Variants in SPOCK3 observed in about 807,000 individuals in gnomAD.
SPOCK3 encodes the protein testican-3.
A neutral mutation model predicts 56.6 loss-of-function variants in SPOCK3; 30 were observed. That is an observed-to-expected ratio of 0.53 (90% CI 0.40 to 0.72). The LOEUF (loss-of-function observed/expected upper bound fraction) is 0.72. SPOCK3 is among the 30% of genes least tolerant of loss of function. SPOCK3 has a pLI of 0.00. For synonymous variants in SPOCK3, 196 were observed against 183.3 expected (o/e 1.07, Z -0.56); for missense variants, 527 against 530.0 (o/e 0.99, Z 0.06).
rs1751072799 is a variant in SPOCK3, at chr4:167,020,595, C to T, written c.236-20132G>A. Among the ~76,000 whole-genome samples, 6 of 152,136 alleles carry T rather than the reference C, an allele frequency of 3.9e-5. No individual in the cohort carries two copies. The South Asian group carries it at 1.2e-3, about 32-fold the overall frequency. On this transcript the variant is annotated intron_variant, in intron 3 of 10. Transcript: ENST00000357545. ...TCATACGTCCCTTGTGTTCTTCCACCTTCTGCCATATGGGGGCAGAGCAAG... is the reference window on the plus strand; with the variant it reads ...TCATACGTCCCTTGTGTTCTTCCACTTTCTGCCATATGGGGGCAGAGCAAG...
At chr4:167,223,914 T>A (rs971823016) in intron 2 of SPOCK3, among the ~76,000 whole-genome samples, 1 of 152,134 alleles carries the variant, frequency 6.6e-6, no homozygotes, top group Non-Finnish European at 1.5e-5. Flanking sequence ...ATTATAAAAT[T>A]TTTAGTACTT....
At chr4:166,897,707 A>C (rs528047319) in intron 5 of SPOCK3, among the ~76,000 whole-genome samples, 1 of 152,236 alleles carries the variant, frequency 6.6e-6, no homozygotes, top group South Asian at 2.1e-4. Flanking sequence ...AATGGGATAA[A>C]ATTTTCAGAC....
rs117702324 is a variant in SPOCK3, at chr4:167,218,872, T to C, written c.189+15113A>G. Among the ~76,000 whole-genome samples the C allele has an allele frequency of 4.0e-3, 602 of 152,264 alleles. 15 individuals are homozygous for C. The highest frequency in any genetic ancestry group is 0.029 in the Admixed American group (440 of 15,266). On this transcript the variant is annotated intron_variant, in intron 2 of 10. Transcript: ENST00000357545. ...TTCCAAGGATAATGTACTAAGTGTG[T>C]GGTCTATGTACGAATGCTCCTTTGC...
At chr4:166,787,353 C>A (rs1740840534) in intron 7 of SPOCK3, among the ~76,000 whole-genome samples, 1 of 152,072 alleles carries the variant, frequency 6.6e-6, no homozygotes, top group African/African-American at 2.4e-5. Context: ...TGCATGTTTG[C>A]ACATAATATC....
intron 5 of SPOCK3, among the ~76,000 whole-genome samples, chr4:166,910,567 T>C (rs1244775468): frequency 6.6e-6 from 1 of 152,124 alleles, no homozygotes; most frequent in Non-Finnish European, 1.5e-5. Flanking sequence ...GCTAAGTAAC[T>C]CTAACATCAT....
intron 8 of SPOCK3, among the ~76,000 whole-genome samples, chr4:166,750,205 C>T (rs538948448): frequency 1.3e-5 from 2 of 152,218 alleles, no homozygotes; most frequent in Non-Finnish European, 2.9e-5. Flanking sequence ...TAAGTCTAGC[C>T]TTTAGGTATT....
chr4:166,962,763 T>C (rs74503917), intron 4 of SPOCK3, among the ~76,000 whole-genome samples: 13 of 152,042 alleles, frequency 8.6e-5, no homozygotes, highest in Non-Finnish European at 1.3e-4. Flanking sequence ...AATGACTTAT[T>C]CTATTTTTAA....
intron 10 of SPOCK3, among the ~76,000 whole-genome samples, chr4:166,736,055 C>A (rs928959643): frequency 9.9e-5 from 15 of 152,104 alleles, no homozygotes; most frequent in African/African-American, 3.6e-4. Context: ...ATATTTTATT[C>A]TTATAATTAT....
At chr4:167,082,600 A>G (rs1757807736) in intron 2 of SPOCK3, among the ~76,000 whole-genome samples, 1 of 151,970 alleles carries the variant, frequency 6.6e-6, no homozygotes, top group Non-Finnish European at 1.5e-5. Flanking sequence ...ATGAAGTTGG[A>G]TGAATTTAGA....
At chr4:166,836,338 T>C (rs1746622556) in intron 6 of SPOCK3, among the ~76,000 whole-genome samples, 1 of 152,218 alleles carries the variant, frequency 6.6e-6, no homozygotes, top group Admixed American at 6.5e-5. Context: ...TTTTCAGCTT[T>C]CTAAGAATTA....
At chr4:166,976,883 T>C (rs544170483) in intron 4 of SPOCK3, among the ~76,000 whole-genome samples, 2 of 151,818 alleles carry the variant, frequency 1.3e-5, no homozygotes, top group South Asian at 2.1e-4. Flanking sequence ...ATTATATATA[T>C]ATAATCAAAT....
intron 4 of SPOCK3, among the ~76,000 whole-genome samples, chr4:166,919,366 A>T (rs1738233852): frequency 6.6e-6 from 1 of 152,180 alleles, no homozygotes; most frequent in South Asian, 2.1e-4. Context: ...AGTTATTATC[A>T]TACTTGAATA....
intron 3 of SPOCK3, among the ~76,000 whole-genome samples, chr4:167,058,913 C>G (rs369240920): frequency 3.3e-5 from 5 of 152,044 alleles, no homozygotes; most frequent in African/African-American, 4.8e-5. Context: ...GGATTCCCTA[C>G]TTAATAAATG....
chr4:167,219,460 T>C (rs943732196), intron 2 of SPOCK3, among the ~76,000 whole-genome samples: 7 of 152,180 alleles, frequency 4.6e-5, no homozygotes, highest in Admixed American at 1.3e-4. Flanking sequence ...TTACTATTTT[T>C]AGGAGGTATA....
chr4:167,136,526 T>C (rs1011627966), intron 2 of SPOCK3, among the ~76,000 whole-genome samples: 2 of 152,110 alleles, frequency 1.3e-5, no homozygotes, highest in African/African-American at 4.8e-5. Flanking sequence ...AAACACTTAT[T>C]TTAACCACCA....
At chr4:166,988,604 C>G (rs917130739) in intron 4 of SPOCK3, among the ~76,000 whole-genome samples, 2 of 152,000 alleles carry the variant, frequency 1.3e-5, no homozygotes, top group African/African-American at 4.8e-5. Flanking sequence ...AAATAAACAG[C>G]TGTGTGACTC....
chr4:166,772,146 TA>T (rs1478682018), intron 7 of SPOCK3, among the ~76,000 whole-genome samples: 1 of 152,104 alleles, frequency 6.6e-6, no homozygotes, highest in African/African-American at 2.4e-5. Context: ...TAAGGAAAGT[TA>T]AACATAAACA....
chr4:167,209,504 C>A (rs1032930200), intron 2 of SPOCK3, among the ~76,000 whole-genome samples: 1 of 152,162 alleles, frequency 6.6e-6, no homozygotes, highest in African/African-American at 2.4e-5. Context: ...TGTTTGGAGG[C>A]TAGAAGAAAA....
At chr4:167,192,297 G>T (rs942295583) in intron 2 of SPOCK3, among the ~76,000 whole-genome samples, 1 of 145,454 alleles carries the variant, frequency 6.9e-6, no homozygotes, top group Non-Finnish European at 1.5e-5. Flanking sequence ...ATTCCAACCC[G>T]ATAATATGAA....
Sources: allele counts gnomAD v4.1 joint callset (sites outside exome capture counted in the v4.1 genomes callset), GRCh38; gene constraint gnomAD v4.1.1; transcripts MANE v1.5; gene names NCBI Gene and HGNC (gene_info 2026-07-23, HGNC 2026-07-21).